The following MAP7 variants were observed in gnomAD, a reference collection of about 807,000 sequenced individuals.
The protein encoded by MAP7 is microtubule associated protein 7.
In MAP7, 52 loss-of-function variants were observed where a neutral mutation model predicts 94.8. The ratio of observed to expected loss-of-function variants is 0.55; its 90% confidence interval spans 0.44 to 0.69. The LOEUF (loss-of-function observed/expected upper bound fraction) is 0.69, where lower values mean the gene tolerates loss of function less well. Ranked by LOEUF, MAP7 falls within the 30% of genes least tolerant of loss-of-function variation. The pLI is 0.00. For missense variants in MAP7, 940 were observed against 964.6 expected, an observed-to-expected ratio of 0.97 and a Z score of 0.34; for synonymous variants, 350 against 357.0, an observed-to-expected ratio of 0.98 and a Z score of 0.22.
Position 136,550,355 on chromosome 6 carries a change from C to T in MAP7, c.54G>A (p.Val18=). ...CTGTGCGGTCACCTGTTTCGCTTCG[C>T]ACTGCGCCGTCGCCGCCCCTGTGGC... The part of the protein sequence containing the change: ...GDGHRGGDGA[V]RSETAPDSYK... The change falls in exon 1 of 18, where the codon GTG becomes GTA. Residue 18 remains valine, a synonymous_variant. Coordinates refer to ENST00000354570, the MANE Select transcript of MAP7 (RefSeq NM_003980.6). The surrounding 1 kb of genome is among the most constrained non-coding windows in gnomAD (Gnocchi z 5.1). 6.5e-7 allele frequency: 1 copy of T among 1,527,954 alleles called. No homozygotes were observed. The highest frequency in any genetic ancestry group is 8.7e-7 in the Non-Finnish European group (1 of 1,145,964). 94.6% of individuals were successfully genotyped at this position (1,527,954 alleles called of 1,614,324 possible).
chr6:136,544,129 C>T (rs1829542651), intron 1 of MAP7, among the ~76,000 whole-genome samples: 1 of 152,124 alleles, frequency 6.6e-6, no homozygotes, highest in East Asian at 1.9e-4. Flanking sequence ...GCCATGTTGC[C>T]CAGGCTGGTC....
intron 1 of MAP7, among the ~76,000 whole-genome samples, chr6:136,532,250 TTC>T (rs1304013560): frequency 6.6e-6 from 1 of 152,126 alleles, no homozygotes; most frequent in Non-Finnish European, 1.5e-5. Context: ...AGGACAAGCG[TTC>T]TCTGTTTACT....
intron 1 of MAP7, chr6:136,466,885 G>A (rs1186880345): frequency 6.6e-7 from 1 of 1,522,404 alleles, no homozygotes; most frequent in East Asian, 2.4e-5. Flanking sequence ...CAGTGAAGGG[G>A]CCGTTTAATC....
At chr6:136,364,016 C>A in intron 10 of MAP7, 1 of 225,986 alleles carries the variant, frequency 4.4e-6, no homozygotes, top group South Asian at 5.8e-5. Flanking sequence ...CAGCTGCTGC[C>A]AAGCTGCACT....
intron 1 of MAP7, among the ~76,000 whole-genome samples, chr6:136,478,979 C>CAA (rs59319740): frequency 7.9e-4 from 36 of 45,582 alleles, no homozygotes; most frequent in East Asian, 2.6e-3. Flanking sequence ...ACAGACACAT[C>CAA]AAAAAAAAAA....
rs145225367 is a variant in MAP7 at position 136,494,538 on chromosome 6, CTATA to C, written c.67+55800_67+55803del. Among the ~76,000 whole-genome samples the C allele has an allele frequency of 4.9e-3, 743 of 152,240 alleles. 7 individuals carry two copies. The highest frequency in any genetic ancestry group is 0.017 in the African/African-American group (713 of 41,554). ...GGTAAATGTACTTAATGCAACTGAA[CTATA>C]CATTTAAAAATGGTTAAAATGGTAA... On this transcript the variant is annotated intron_variant, in intron 1 of 17. Coordinates refer to ENST00000354570, the MANE Select transcript of MAP7 (RefSeq NM_003980.6).
rs772067143 is a variant in MAP7, at chr6:136,360,796, T to C, written c.1704A>G (p.Lys568=). ...CTTCACGAACGCGAGCTTCTTCTTC[T>C]TTCTGAAAACAGAAGGTCGGCGTCT... The part of the protein sequence containing the change: ...REEAERAQRQ[K]EEEARVREEA... Residue 568 remains lysine (K), a splice_region_variant and synonymous_variant, in exon 13 of 18, where the codon AAA becomes AAG. Coordinates refer to ENST00000354570, the MANE Select transcript of MAP7 (RefSeq NM_003980.6). 122 of 1,612,878 alleles carry C rather than the reference T, an allele frequency of 7.6e-5. No homozygotes were observed. The highest frequency in any genetic ancestry group is 1.0e-4 in the Non-Finnish European group (120 of 1,179,936).
At chr6:136,497,443 T>G (rs1159952088) in intron 1 of MAP7, among the ~76,000 whole-genome samples, 1 of 151,722 alleles carries the variant, frequency 6.6e-6, no homozygotes, top group African/African-American at 2.4e-5. Context: ...ATTGTTCCCC[T>G]GCCCCATTTT....
intron 1 of MAP7, among the ~76,000 whole-genome samples, chr6:136,534,053 A>G (rs1296384215): frequency 6.6e-6 from 1 of 152,220 alleles, no homozygotes; most frequent in Non-Finnish European, 1.5e-5. Flanking sequence ...ATTAAATTTT[A>G]TCTCTTAAAT....
chr6:136,431,942 G>A (rs1795064703), intron 1 of MAP7, among the ~76,000 whole-genome samples: 1 of 152,134 alleles, frequency 6.6e-6, no homozygotes, highest in African/African-American at 2.4e-5. Context: ...AGACTCTGGT[G>A]TGTGAATTTA....
chr6:136,394,405 A>C (rs1380124097), intron 3 of MAP7, among the ~76,000 whole-genome samples: 1 of 151,902 alleles, frequency 6.6e-6, no homozygotes, highest in Non-Finnish European at 1.5e-5. Flanking sequence ...TTTTATAACC[A>C]GTTACCTATT....
Position 136,344,149 on chromosome 6 carries a change from T to G in MAP7, c.*79A>C, listed in dbSNP as rs943956241. 8.8e-6 allele frequency: 6 copies of G among 678,254 alleles called. No individual in the cohort carries two copies. The highest frequency in any genetic ancestry group is 1.3e-5 in the Non-Finnish European group (6 of 451,280). The allele number at this position is 678,254 out of a possible 1,614,324, so 42.0% of individuals were successfully genotyped here. ...TCTAGAAAACGGGTGGAGGGGATGC[T>G]CCTTTATAGCAGGAAAGGAATTCCA... On this transcript the variant is annotated 3_prime_UTR_variant, in exon 18 of 18. Coordinates refer to ENST00000354570, the MANE Select transcript of MAP7 (RefSeq NM_003980.6).
chr6:136,542,045 C>T (rs112361682), intron 1 of MAP7, among the ~76,000 whole-genome samples: 4 of 151,994 alleles, frequency 2.6e-5, no homozygotes, highest in South Asian at 4.2e-4. Flanking sequence ...GGCAACACAG[C>T]GAGACTCTGT....
At chr6:136,419,652 T>G (rs1790627046) in intron 2 of MAP7, among the ~76,000 whole-genome samples, 1 of 152,234 alleles carries the variant, frequency 6.6e-6, no homozygotes, top group Admixed American at 6.5e-5. Flanking sequence ...GGGTTCAATT[T>G]CAAAATCAAG....
At chr6:136,356,639 T>TG in intron 16 of MAP7, 53 bp downstream of exon 16, 1 of 1,376,212 alleles carries the variant, frequency 7.3e-7, no homozygotes, top group Non-Finnish European at 1.0e-6. Context: ...CTGGTGGAGC[T>TG]GGTGGGTAAA....
chr6:136,469,970 T>G (rs1420321636), intron 1 of MAP7, among the ~76,000 whole-genome samples: 3 of 152,180 alleles, frequency 2.0e-5, no homozygotes, highest in Admixed American at 2.0e-4. Flanking sequence ...TCATTTCCTG[T>G]TCACTGCCTA....
chr6:136,383,218 A>C (rs550926760), intron 6 of MAP7, among the ~76,000 whole-genome samples: 138 of 152,366 alleles, frequency 9.1e-4, no homozygotes, highest in Non-Finnish European at 1.7e-3. Flanking sequence ...GTTAAATGAG[A>C]AGTAAATTGG....
At chr6:136,386,065 C>T (rs1318610261) in intron 5 of MAP7, among the ~76,000 whole-genome samples, 1 of 152,170 alleles carries the variant, frequency 6.6e-6, no homozygotes, top group Non-Finnish European at 1.5e-5. Flanking sequence ...GCCACCGCAC[C>T]CTGCTGATCG....
intron 1 of MAP7, among the ~76,000 whole-genome samples, chr6:136,492,082 C>G (rs922448582): frequency 5.9e-5 from 9 of 152,120 alleles, no homozygotes; most frequent in African/African-American, 1.7e-4. Context: ...GACAGAGGTC[C>G]CCTCTCTGGG....
Sources: gnomAD v4.1 joint callset for allele counts (sites outside exome capture counted in the v4.1 genomes callset) on GRCh38, gnomAD v4.1.1 for gene constraint, Gnocchi (gnomAD v3.1) non-coding constraint, MANE v1.5 for transcripts, NCBI Gene and HGNC (gene_info 2026-07-23, HGNC 2026-07-21) for gene names.